The following POLR3B variants were observed in gnomAD, a reference collection of about 807,000 sequenced individuals.
The protein encoded by POLR3B is DNA-directed RNA polymerase III subunit RPC2.
A neutral mutation model predicts 147.4 loss-of-function variants in POLR3B; 96 were observed. The ratio of observed to expected loss-of-function variants is 0.65; its 90% CI spans 0.55 to 0.77. POLR3B has a LOEUF of 0.77. POLR3B is among the 30% of genes least tolerant of loss of function. The probability of loss-of-function intolerance (pLI) is 0.00; values close to 1 mark genes in which losing one functional copy is unlikely to be tolerated. For synonymous variants in POLR3B, 461 were observed against 485.9 expected, an observed-to-expected ratio of 0.95 and a Z score of 0.67; for missense variants, 1,036 against 1,413.5, an observed-to-expected ratio of 0.73 and a Z score of 4.28.
At chr12:106,427,408 A>G (rs746321065) in intron 13 of POLR3B, 50 bp downstream of exon 13, 18 of 1,493,910 alleles carry the variant, frequency 1.2e-5, no homozygotes, top group Middle Eastern at 1.7e-4. Context: ...TTGTAAACCT[A>G]TTCAATAGAA....
At chr12:106,466,807 C>CT (rs2038012199) in intron 23 of POLR3B, among the ~76,000 whole-genome samples, 1 of 152,124 alleles carries the variant, frequency 6.6e-6, no homozygotes, top group Non-Finnish European at 1.5e-5. Flanking sequence ...TTCCATTGGT[C>CT]TATATATCTG....
intron 13 of POLR3B, among the ~76,000 whole-genome samples, chr12:106,429,588 A>G (rs2037481768): frequency 6.6e-6 from 1 of 152,120 alleles, no homozygotes; most frequent in South Asian, 2.1e-4. Flanking sequence ...TTAAAATAAT[A>G]CAACATATTT....
intron 10 of POLR3B, among the ~76,000 whole-genome samples, chr12:106,394,062 C>A (rs10746060): frequency 1.3e-5 from 2 of 151,914 alleles, no homozygotes; most frequent in African/African-American, 2.4e-5. Context: ...TTCTCTTCAC[C>A]CAGGATGCTT....
intron 10 of POLR3B, among the ~76,000 whole-genome samples, chr12:106,403,096 C>T (rs1462780720): frequency 6.7e-6 from 1 of 150,272 alleles, no homozygotes; most frequent in African/African-American, 2.5e-5. Context: ...CTACAATGAA[C>T]TCAAACAAAT....
intron 4 of POLR3B, 98 bp downstream of exon 4, chr12:106,366,820 T>C: frequency 9.5e-7 from 1 of 1,052,366 alleles, no homozygotes; most frequent in Non-Finnish European, 1.5e-6. Flanking sequence ...ATCATTGTCT[T>C]GGCCAGGCTC....
intron 16 of POLR3B, among the ~76,000 whole-genome samples, chr12:106,435,939 A>G (rs1350360961): frequency 6.6e-6 from 1 of 152,176 alleles, no homozygotes; most frequent in Non-Finnish European, 1.5e-5. Context: ...TAACTGAGGC[A>G]GCTAAATGTG....
At chr12:106,406,549 T>G (rs1009660065) in intron 11 of POLR3B, among the ~76,000 whole-genome samples, 1 of 152,236 alleles carries the variant, frequency 6.6e-6, no homozygotes, top group Non-Finnish European at 1.5e-5. Flanking sequence ...GTTCATCTTC[T>G]AGACCTTGAA....
At chr12:106,423,761 A>G (rs2037400487) in intron 12 of POLR3B, among the ~76,000 whole-genome samples, 1 of 152,116 alleles carries the variant, frequency 6.6e-6, no homozygotes, top group Non-Finnish European at 1.5e-5. Context: ...ACACCCTCAG[A>G]GACACACCCA....
intron 1 of POLR3B, among the ~76,000 whole-genome samples, chr12:106,361,655 G>A (rs2036471011): frequency 6.6e-6 from 1 of 152,142 alleles, no homozygotes; most frequent in South Asian, 2.1e-4. Context: ...GGGGGCTGTG[G>A]GATGAGATGG....
At chr12:106,458,413 T>C (rs1462099231) in intron 21 of POLR3B, among the ~76,000 whole-genome samples, 2 of 152,128 alleles carry the variant, frequency 1.3e-5, no homozygotes, top group Non-Finnish European at 2.9e-5. Context: ...GCCGAGCCCA[T>C]GATACTATTT....
intron 23 of POLR3B, among the ~76,000 whole-genome samples, chr12:106,482,195 G>A (rs11113010): frequency 6.6e-6 from 1 of 152,130 alleles, no homozygotes; most frequent in East Asian, 1.9e-4. Context: ...AGTAGTAAAA[G>A]TCTATTTTTT....
At chr12:106,483,923 A>G (rs1158072702) in intron 23 of POLR3B, among the ~76,000 whole-genome samples, 4 of 152,206 alleles carry the variant, frequency 2.6e-5, no homozygotes, top group African/African-American at 9.7e-5. Context: ...AGAGAGAGAA[A>G]GGTCTTGAAC....
At chr12:106,427,764 T>C (rs1330436236) in intron 13 of POLR3B, among the ~76,000 whole-genome samples, 1 of 152,198 alleles carries the variant, frequency 6.6e-6, no homozygotes, top group Non-Finnish European at 1.5e-5. Flanking sequence ...TTCAAAGACC[T>C]ATCAGCTGTT....
At chr12:106,418,117 A>G (rs2037330632) in intron 12 of POLR3B, among the ~76,000 whole-genome samples, 1 of 152,202 alleles carries the variant, frequency 6.6e-6, no homozygotes. Flanking sequence ...GCTTTCCTTC[A>G]GTCTTGATGC....
chr12:106,405,408 G>A (rs1565886466), intron 10 of POLR3B, among the ~76,000 whole-genome samples: 1 of 151,960 alleles, frequency 6.6e-6, no homozygotes, highest in Non-Finnish European at 1.5e-5. Flanking sequence ...TTTGTTTTCT[G>A]TCAGCACTGT....
At chr12:106,435,778 A>C (rs2037569021) in intron 16 of POLR3B, among the ~76,000 whole-genome samples, 1 of 152,200 alleles carries the variant, frequency 6.6e-6, no homozygotes, top group Non-Finnish European at 1.5e-5. Flanking sequence ...CAGGAATAAC[A>C]GTGACATTTT....
rs146462686 is a variant in POLR3B, at chr12:106,501,930, T to A, written c.3098+494T>A. Reference sequence around the variant, plus strand: ...AAGCTAGAGGAGGTTAGGGGCCACATGTGCCCCGTTCACAGGTGTACCCTC... The same window carrying A: ...AAGCTAGAGGAGGTTAGGGGCCACAAGTGCCCCGTTCACAGGTGTACCCTC... On this transcript the variant is annotated intron_variant, in intron 26 of 27. Transcript: ENST00000228347. Among the ~76,000 whole-genome samples the A allele has an allele frequency of 5.7e-3, 873 of 152,340 alleles. 8 individuals are homozygous for A. Among genetic ancestry groups the A allele is most frequent in the African/African-American group, 0.02 (818 of 41,570 alleles).
intron 12 of POLR3B, among the ~76,000 whole-genome samples, chr12:106,422,866 G>A (rs189277862): frequency 8.8e-4 from 134 of 152,156 alleles, no homozygotes; most frequent in African/African-American, 2.9e-3. Flanking sequence ...ATTCTAATTG[G>A]CATTGCATTG....
At chr12:106,382,289 A>G (rs1593008783) in intron 9 of POLR3B, among the ~76,000 whole-genome samples, 1 of 152,200 alleles carries the variant, frequency 6.6e-6, no homozygotes, top group East Asian at 1.9e-4. Flanking sequence ...GGTTTATAGA[A>G]GGATGAAGCT....
Sources: gnomAD v4.1 joint callset for allele counts (sites outside exome capture counted in the v4.1 genomes callset) on GRCh38, gnomAD v4.1.1 for gene constraint, MANE v1.5 for transcripts, NCBI Gene and HGNC (gene_info 2026-07-23, HGNC 2026-07-21) for gene names.